The following SLC25A29 variants were observed in gnomAD, a reference collection of about 807,000 sequenced individuals.
The protein encoded by SLC25A29 is solute carrier family 25 member 29.
SLC25A29 carries 13 observed loss-of-function variants against 10.0 expected under a neutral mutation model. The observed-to-expected ratio is 1.30, with a 90% confidence interval of 0.85 to 2.07. The LOEUF (loss-of-function observed/expected upper bound fraction) is 2.07. Ranked by LOEUF, SLC25A29 falls within the 30% of genes most tolerant of loss-of-function variation. SLC25A29 has a pLI of 0.00. For synonymous variants in SLC25A29, 244 were observed against 221.1 expected, an observed-to-expected ratio of 1.10 and a Z score of -0.92; for missense variants, 475 against 447.6, an observed-to-expected ratio of 1.06 and a Z score of -0.55.
chr14:100,305,813 C>G (rs1028264903), intron 1 of SLC25A29: 1 of 203,386 alleles, frequency 4.9e-6, no homozygotes, highest in African/African-American at 2.3e-5. Flanking sequence ...CCGAAATATA[C>G]GGCCGGGGGA....
At chr14:100,301,883 C>T (rs565599307) in intron 1 of SLC25A29, among the ~76,000 whole-genome samples, 3 of 152,194 alleles carry the variant, frequency 2.0e-5, no homozygotes, top group African/African-American at 7.2e-5. Flanking sequence ...CTCTCTGCCT[C>T]CTTCTGCCCC....
intron 1 of SLC25A29, 120 bp from the exon 2 acceptor site, chr14:100,299,005 G>T: frequency 6.7e-7 from 1 of 1,503,632 alleles, no homozygotes; most frequent in South Asian, 1.3e-5. Flanking sequence ...AAAGGACATT[G>T]ACCAAGCACC....
downstream of SLC25A29, among the ~76,000 whole-genome samples, chr14:100,287,697 C>G (rs917273633): frequency 5.4e-5 from 8 of 148,922 alleles, no homozygotes; most frequent in Admixed American, 1.3e-4. Flanking sequence ...CTCTGCCCCC[C>G]ACCCTGGCCT....
At position 100,292,938 on chromosome 14, in the gene SLC25A29, G is replaced by T. The variant is rs773118795; in HGVS notation, c.257C>A (p.Ala86Asp). The change falls in exon 4 of 4, where the codon GCC (alanine) becomes GAC (aspartate). Residue 86 changes from alanine (A) to aspartate (D), a missense_variant. Physicochemically the swap from Ala to Asp is moderately radical, Grantham distance 126. Coordinates refer to ENST00000359232, the MANE Select transcript of SLC25A29 (RefSeq NM_001039355.3). ...VFGVQGNTLRALGHDSPLNQF... is the reference protein window; with the variant it reads ...VFGVQGNTLRDLGHDSPLNQF... ...GTTGAGGGGCGAGTCGTGGCCCAGG[G>T]CCCGGAGGGTGTTGCCCTGCACCCC... 1.1e-5 allele frequency: 17 copies of T among 1,607,042 alleles called. No homozygotes were observed. Among genetic ancestry groups the T allele is most frequent in the East Asian group, 6.7e-5 (3 of 44,692 alleles).
Position 100,293,013 on chromosome 14 carries a change from C to A in SLC25A29, c.182G>T (p.Gly61Val). The A allele has an allele frequency of 1.3e-6, 2 of 1,567,386 alleles. No individual in the cohort carries two copies. The highest frequency in any genetic ancestry group is 8.6e-7 in the Non-Finnish European group (1 of 1,158,086). ...KQESVLGLYK[G>V]LGSPLMGLTF... Reference sequence around the variant, plus strand: ...GAGCCCCATGAGCGGCGAGCCCAGGCCCTTGTACAGGCCCAGCACCTGCGG... The same window carrying A: ...GAGCCCCATGAGCGGCGAGCCCAGGACCTTGTACAGGCCCAGCACCTGCGG... Residue 61 changes from glycine to valine, a missense_variant, in exon 4 of 4, where the codon GGC becomes GTC. Coordinates refer to ENST00000359232, the MANE Select transcript of SLC25A29 (RefSeq NM_001039355.3).
At position 100,292,320 on chromosome 14, in the gene SLC25A29, G is replaced by C; in HGVS notation, c.875C>G (p.Pro292Arg). ...GGGCTGCGCCAGGGCAGGCCCCGCA[G>C]GGGCGGCGGGCACAGCCTCGCCCTC... ...GPEGEAVPAA[P>R]AGPALAQPSS... The change falls in exon 4 of 4, where the codon CCT becomes CGT. Residue 292 changes from proline (P) to arginine (R), a missense_variant. By Grantham distance (103) the Pro-to-Arg change is moderately radical. Transcript: ENST00000359232. 21 of 1,507,628 alleles carry C rather than the reference G, an allele frequency of 1.4e-5. No homozygotes were observed. The highest frequency in any genetic ancestry group is 1.9e-5 in the Non-Finnish European group (21 of 1,132,144). 93.4% of individuals were successfully genotyped at this position (1,507,628 alleles called of 1,614,324 possible).
At chr14:100,290,153 G>A (rs924790851), downstream of SLC25A29, among the ~76,000 whole-genome samples, 1 of 152,232 alleles carries the variant, frequency 6.6e-6, no homozygotes, top group African/African-American at 2.4e-5. Flanking sequence ...TTTCTAGAGA[G>A]TGCAGATGTG....
At chr14:100,282,572 T>C in the SLC25A29 span, 1 of 152,246 alleles carries the variant, frequency 6.6e-6, no homozygotes, top group East Asian at 1.9e-4. Context: ...TTTCGTCTCA[T>C]GTACATCTTT....
chr14:100,301,073 G>C (rs1255138079), intron 1 of SLC25A29, among the ~76,000 whole-genome samples: 1 of 151,750 alleles, frequency 6.6e-6, no homozygotes, highest in Non-Finnish European at 1.5e-5. Flanking sequence ...CTAATTTTTT[G>C]TATGTTTAGT....
At chr14:100,289,357 C>T (rs999409966), downstream of SLC25A29, among the ~76,000 whole-genome samples, 5 of 152,152 alleles carry the variant, frequency 3.3e-5, no homozygotes, top group Non-Finnish European at 7.3e-5. Context: ...GTGCAGATGT[C>T]CCTCCGCTGC....
At chr14:100,293,191 T>A in intron 3 of SLC25A29, 103 bp downstream of exon 3, 4 of 1,490,668 alleles carry the variant, frequency 2.7e-6, no homozygotes, top group Non-Finnish European at 3.6e-6. Context: ...CTCCTGGTCG[T>A]CCTGACACCT....
At chr14:100,283,186 T>C in the SLC25A29 span, among the ~76,000 whole-genome samples, 1 of 152,254 alleles carries the variant, frequency 6.6e-6, no homozygotes, top group African/African-American at 2.4e-5. Flanking sequence ...ACTTAGGATT[T>C]AGCCAAAAGC....
intron 1 of SLC25A29, among the ~76,000 whole-genome samples, chr14:100,303,001 C>T (rs2139792807): frequency 6.6e-6 from 1 of 152,222 alleles, no homozygotes; most frequent in South Asian, 2.1e-4. Context: ...TAATCATCTC[C>T]AGACCTGTTC....
intron 1 of SLC25A29, among the ~76,000 whole-genome samples, chr14:100,301,083 T>C (rs535201367): frequency 6.6e-6 from 1 of 152,056 alleles, no homozygotes; most frequent in African/African-American, 2.4e-5. Context: ...GTATGTTTAG[T>C]AGAGACAGAG....
chr14:100,306,120 G>A (rs1892927745), intron 1 of SLC25A29, 79 bp downstream of exon 1: 2 of 1,087,844 alleles, frequency 1.8e-6, no homozygotes. Context: ...GGGAAGCCGC[G>A]AGGCCAGGGC....
intron 2 of SLC25A29, among the ~76,000 whole-genome samples, chr14:100,297,118 G>C (rs978121697): frequency 5.3e-5 from 8 of 152,188 alleles, no homozygotes; most frequent in Admixed American, 3.3e-4. Context: ...AAGAAAAGAA[G>C]TTCAGCTTTT....
At chr14:100,281,044 A>G in the SLC25A29 span, 1 of 128,952 alleles carries the variant, frequency 7.8e-6, no homozygotes. Flanking sequence ...TGGGTGACAG[A>G]GCAAGACTCC....
downstream of SLC25A29, among the ~76,000 whole-genome samples, chr14:100,287,826 T>A (rs1315083151): frequency 6.6e-6 from 1 of 152,148 alleles, no homozygotes. Context: ...CAGCTCTGCA[T>A]GGCGGCTGGT....
At position 100,306,321 on chromosome 14, in the gene SLC25A29, G is replaced by A. The variant is rs1892952741; in HGVS notation, c.-89C>T. The A allele has an allele frequency of 1.6e-6, 2 of 1,252,210 alleles. No individual in the cohort carries two copies. Among genetic ancestry groups the A allele is most frequent in the Middle Eastern group, 3.0e-4 (1 of 3,346 alleles). 77.6% of individuals were successfully genotyped at this position (1,252,210 alleles called of 1,614,324 possible). On this transcript the variant is annotated 5_prime_UTR_variant, in exon 1 of 4. Transcript: ENST00000359232. ...GGGCGCCGTCGGGGTCCCCGAGCGC[G>A]CGGTGCCGGGGCTGGGCCTGGCCGC...
Sources: gnomAD v4.1 joint callset for allele counts (sites outside exome capture counted in the v4.1 genomes callset) on GRCh38, gnomAD v4.1.1 for gene constraint, MANE v1.5 for transcripts, NCBI Gene and HGNC (gene_info 2026-07-23, HGNC 2026-07-21) for gene names.